The following CLOCK variants were observed in gnomAD, a reference collection of about 807,000 sequenced individuals.
CLOCK encodes clock circadian regulator.
A neutral mutation model predicts 118.4 loss-of-function variants in CLOCK; 43 were observed. That is an observed-to-expected ratio of 0.36 (90% CI 0.28 to 0.47). The LOEUF is 0.47. Ranked by LOEUF, CLOCK falls within the 20% of genes least tolerant of loss-of-function variation. The probability of loss-of-function intolerance (pLI) is 1.00; values close to 1 mark genes in which losing one functional copy is unlikely to be tolerated. For synonymous variants in CLOCK, 326 were observed against 339.2 expected (o/e 0.96, Z 0.43); for missense variants, 846 against 999.9 (o/e 0.85, Z 2.08).
chr4:55,436,458 G>A (rs1722882819), intron 22 of CLOCK, among the ~76,000 whole-genome samples: 1 of 152,050 alleles, frequency 6.6e-6, no homozygotes, highest in Admixed American at 6.5e-5. Context: ...AAAACTCTCA[G>A]ATACAAAAAA....
chr4:55,435,103 C>T lies in CLOCK; in HGVS notation c.*312G>A, dbSNP rs1722777679. 1 of 371,970 alleles carries T rather than the reference C, an allele frequency of 2.7e-6. No individual in the cohort carries two copies. Among genetic ancestry groups the T allele is most frequent in the East Asian group, 6.4e-5 (1 of 15,740 alleles). The allele number at this position is 371,970 out of a possible 1,614,324, so 23.0% of individuals were successfully genotyped here. A position where few individuals can be genotyped will look rare whatever the true frequency, so the allele number is the denominator to read the frequency against. ...AACATCATTAGTGCCTTTCTGATTC[C>T]CTGGAGGTCATTTCATAGCTGAGCT... On this transcript the variant is annotated 3_prime_UTR_variant, in exon 23 of 23. Coordinates refer to ENST00000513440, the MANE Select transcript of CLOCK (RefSeq NM_004898.4).
At chr4:55,517,178 A>T (rs1420167068) in intron 1 of CLOCK, among the ~76,000 whole-genome samples, 1 of 152,212 alleles carries the variant, frequency 6.6e-6, no homozygotes, top group Non-Finnish European at 1.5e-5. Context: ...TTAACCTGCC[A>T]TGTATCCCTA....
At chr4:55,443,654 C>T in intron 20 of CLOCK, 33 bp downstream of exon 20, 1 of 1,549,092 alleles carries the variant, frequency 6.5e-7, no homozygotes, top group Non-Finnish European at 8.9e-7. Flanking sequence ...AACCACTGAT[C>T]ACTCCATAGC....
At chr4:55,503,459 T>C (rs1414520526) in intron 2 of CLOCK, among the ~76,000 whole-genome samples, 5 of 152,200 alleles carry the variant, frequency 3.3e-5, no homozygotes, top group South Asian at 2.1e-4. Flanking sequence ...TTAAGGGGCA[T>C]GAAGGAGGCT....
chr4:55,521,270 G>A (rs906189788), intron 1 of CLOCK, among the ~76,000 whole-genome samples: 2 of 152,130 alleles, frequency 1.3e-5, no homozygotes, highest in East Asian at 1.9e-4. Flanking sequence ...CCAGGCTGGA[G>A]TGCAATGGCA....
At chr4:55,518,255 T>C (rs1056873802) in intron 1 of CLOCK, among the ~76,000 whole-genome samples, 1 of 152,074 alleles carries the variant, frequency 6.6e-6, no homozygotes, top group African/African-American at 2.4e-5. Flanking sequence ...AAATATGACA[T>C]TACCAAGCTA....
At chr4:55,479,286 G>A (rs114509156) in intron 5 of CLOCK, among the ~76,000 whole-genome samples, 3,384 of 152,100 alleles carry the variant, frequency 0.022, 111 homozygotes, top group African/African-American at 0.077. Flanking sequence ...ATAAATATAT[G>A]TACTAAATGA....
intron 8 of CLOCK, among the ~76,000 whole-genome samples, chr4:55,468,826 T>C (rs1202547824): frequency 2.0e-5 from 3 of 152,174 alleles, no homozygotes; most frequent in South Asian, 2.1e-4. Context: ...TGCATAACAA[T>C]GTTTTGGTCA....
intron 8 of CLOCK, among the ~76,000 whole-genome samples, chr4:55,465,720 G>A (rs1725685567): frequency 6.6e-6 from 1 of 152,190 alleles, no homozygotes; most frequent in African/African-American, 2.4e-5. Context: ...GGGAGGCTGA[G>A]GCAGGTGGAC....
intron 2 of CLOCK, among the ~76,000 whole-genome samples, chr4:55,504,728 A>G (rs1728690321): frequency 6.6e-6 from 1 of 152,206 alleles, no homozygotes; most frequent in Admixed American, 6.5e-5. Context: ...TACGATTAAA[A>G]TAACTGAGAT....
chr4:55,438,201 C>A, intron 22 of CLOCK, 81 bp downstream of exon 22: 1 of 1,514,648 alleles, frequency 6.6e-7, no homozygotes, highest in East Asian at 2.3e-5. Context: ...TCACATCACT[C>A]ACAAATCTGT....
chr4:55,455,833 T>A, intron 13 of CLOCK, 64 bp downstream of exon 13: 1 of 1,111,404 alleles, frequency 9.0e-7, no homozygotes, highest in South Asian at 1.2e-5. Flanking sequence ...CTACCTATCA[T>A]TTCAGGACAG....
chr4:55,538,248 G>A (rs188269028), intron 1 of CLOCK, among the ~76,000 whole-genome samples: 23 of 152,002 alleles, frequency 1.5e-4, no homozygotes, highest in East Asian at 5.8e-4. Context: ...TCAGGCATGT[G>A]AAGAGACGGA....
At chr4:55,467,934 C>A (rs1461896102) in intron 8 of CLOCK, among the ~76,000 whole-genome samples, 1 of 152,162 alleles carries the variant, frequency 6.6e-6, no homozygotes, top group Non-Finnish European at 1.5e-5. Flanking sequence ...AAATTATGTA[C>A]TGCATGGCTT....
intron 1 of CLOCK, among the ~76,000 whole-genome samples, chr4:55,519,385 G>C (rs1729715910): frequency 6.6e-6 from 1 of 152,212 alleles, no homozygotes; most frequent in Non-Finnish European, 1.5e-5. Context: ...ATATAGGATA[G>C]TTCTTTCCAG....
intron 15 of CLOCK, among the ~76,000 whole-genome samples, chr4:55,451,378 A>C (rs1409140086): frequency 6.6e-6 from 1 of 152,156 alleles, no homozygotes; most frequent in Non-Finnish European, 1.5e-5. Flanking sequence ...TTTTATTCCT[A>C]ACTTACTAGC....
chr4:55,513,993 T>C (rs933859580), intron 1 of CLOCK, among the ~76,000 whole-genome samples: 2 of 152,186 alleles, frequency 1.3e-5, no homozygotes, highest in Admixed American at 6.5e-5. Flanking sequence ...CTTGTGCTTA[T>C]TGGTTCCAGT....
chr4:55,503,865 T>C (rs567746010), intron 2 of CLOCK, among the ~76,000 whole-genome samples: 18 of 149,886 alleles, frequency 1.2e-4, no homozygotes, highest in Non-Finnish European at 2.1e-4. Context: ...ATTCACAAAC[T>C]AGAAAATTGT....
In CLOCK at chr4:55,442,344, T is replaced by C. The variant is rs1723435592; in HGVS notation, c.2105+88A>G. 5 of 1,172,692 alleles carry C rather than the reference T, an allele frequency of 4.3e-6. No individual in the cohort carries two copies. The Admixed American group carries it at 9.3e-5, about 22-fold the overall frequency. The allele number at this position is 1,172,692 out of a possible 1,614,324, so 72.6% of individuals were successfully genotyped here. ...CAGTGAGCATCTCATTAAAATCACA[T>C]TAAAAAATTTGATTAAGAAATCAAA... On this transcript the variant is annotated intron_variant, in intron 21 of 22. Transcript: ENST00000513440.
Sources: allele counts gnomAD v4.1 joint callset (sites outside exome capture counted in the v4.1 genomes callset), GRCh38; gene constraint gnomAD v4.1.1; transcripts MANE v1.5; gene names NCBI Gene and HGNC (gene_info 2026-07-23, HGNC 2026-07-21).